The following ASCC3 variants were observed in gnomAD, a reference collection of about 807,000 sequenced individuals.
ASCC3 encodes the protein activating signal cointegrator 1 complex subunit 3, also known as ASC-1 complex subunit P200.
A neutral mutation model predicts 256.3 loss-of-function variants in ASCC3; 158 were observed. The ratio of observed to expected loss-of-function variants is 0.62; its 90% CI spans 0.54 to 0.70. ASCC3 has a LOEUF of 0.70. Among genes scored for constraint, ASCC3 ranks in the 30% least tolerant of loss-of-function variants. ASCC3 has a pLI of 0.00. For synonymous variants in ASCC3, 948 were observed against 883.4 expected (o/e 1.07, Z -1.30); for missense variants, 2,259 against 2,626.0 (o/e 0.86, Z 3.05).
intron 5 of ASCC3, among the ~76,000 whole-genome samples, 162 bp downstream of exon 5, chr6:100,805,598 C>T (rs7753623): frequency 0.05 from 7,626 of 152,070 alleles, 631 homozygotes; most frequent in African/African-American, 0.17. Context: ...AGATCACTTA[C>T]GTTTTTTCAT....
intron 30 of ASCC3, 49 bp downstream of exon 30, chr6:100,625,143 A>G: frequency 2.5e-6 from 4 of 1,601,382 alleles, no homozygotes; most frequent in Non-Finnish European, 3.4e-6. Context: ...ATTCTAATAT[A>G]ATACAACCTG....
At position 100,722,163 on chromosome 6, in the gene ASCC3, G is replaced by T. The variant is rs570609261; in HGVS notation, c.1902+3376C>A. On this transcript the variant is annotated intron_variant, in intron 11 of 41. Transcript: ENST00000369162. ...GTTGTAGGTATGTGGCTTTATTTCT[G>T]AGTTTTCTATTCTGTTCCATTTGGT... Among the ~76,000 whole-genome samples, 3 of 151,788 alleles carry T rather than the reference G, an allele frequency of 2.0e-5. No individual in the cohort carries two copies. In the East Asian group the frequency reaches 5.8e-4, roughly 29 times the overall value.
chr6:100,533,192 T>A lies in ASCC3; in HGVS notation c.5775+6971A>T, dbSNP rs189787923. Among the ~76,000 whole-genome samples, 162 of 152,270 alleles carry A rather than the reference T, an allele frequency of 1.1e-3. 1 individual carries two copies. Among genetic ancestry groups the A allele is most frequent in the African/African-American group, 2.8e-3 (117 of 41,572 alleles). ...GTGGCCTAGTGCCTTGGATTTTATA[T>A]ATTTTTCTTTTTAAATGCAAAACCT... On this transcript the variant is annotated intron_variant, in intron 37 of 41. Coordinates refer to ENST00000369162, the MANE Select transcript of ASCC3 (RefSeq NM_006828.4).
chr6:100,747,352 A>G (rs1321719995), intron 10 of ASCC3, among the ~76,000 whole-genome samples: 2 of 152,082 alleles, frequency 1.3e-5, no homozygotes, highest in African/African-American at 2.4e-5. Flanking sequence ...TTTCTCAAAA[A>G]AACATCTACT....
chr6:100,559,949 A>C (rs550452289), intron 36 of ASCC3, among the ~76,000 whole-genome samples: 1 of 152,332 alleles, frequency 6.6e-6, no homozygotes, highest in African/African-American at 2.4e-5. Flanking sequence ...ATATTGATAG[A>C]TCATATAATA....
At chr6:100,710,804 T>C (rs1047428190) in intron 13 of ASCC3, among the ~76,000 whole-genome samples, 4 of 152,138 alleles carry the variant, frequency 2.6e-5, no homozygotes, top group African/African-American at 9.7e-5. Flanking sequence ...TAAATAAATA[T>C]TTTAAAATGT....
At chr6:100,597,887 T>C (rs143981418) in intron 34 of ASCC3, among the ~76,000 whole-genome samples, 4,286 of 138,380 alleles carry the variant, frequency 0.031, 67 homozygotes, top group African/African-American at 0.058. Context: ...GGCAGGAGAA[T>C]GGCGTGAACT....
In ASCC3 at chr6:100,509,129, G is replaced by T; in HGVS notation, c.*257C>A. ...CATCCCAAATATACACAAATTAAAA[G>T]ATTATTCTAAATGCTTTTTCATCTT... On this transcript the variant is annotated 3_prime_UTR_variant, in exon 42 of 42. Transcript: ENST00000369162. 2.1e-6 allele frequency: 1 copy of T among 472,688 alleles called. No homozygotes were observed. The highest frequency in any genetic ancestry group is 2.0e-5 in the African/African-American group (1 of 50,928). The allele number at this position is 472,688 out of a possible 1,614,324, so 29.3% of individuals were successfully genotyped here.
chr6:100,701,234 A>T (rs1024250312), intron 13 of ASCC3, among the ~76,000 whole-genome samples: 4 of 152,186 alleles, frequency 2.6e-5, no homozygotes, highest in African/African-American at 9.7e-5. Context: ...ATATAAAACA[A>T]CTAACTTTAC....
chr6:100,567,698 C>G (rs1181872211), intron 36 of ASCC3, among the ~76,000 whole-genome samples: 4 of 152,136 alleles, frequency 2.6e-5, no homozygotes, highest in African/African-American at 9.7e-5. Flanking sequence ...TAGGATAATA[C>G]TGCATCCATG....
intron 10 of ASCC3, among the ~76,000 whole-genome samples, chr6:100,744,169 T>C (rs1780562105): frequency 6.6e-6 from 1 of 152,210 alleles, no homozygotes; most frequent in Admixed American, 6.5e-5. Context: ...GATAAAAATC[T>C]ACACCGTGTA....
chr6:100,686,137 CTT>C (rs1554214383), intron 13 of ASCC3, among the ~76,000 whole-genome samples: 3 of 152,082 alleles, frequency 2.0e-5, no homozygotes, highest in Non-Finnish European at 2.9e-5. Context: ...TAATTTTTGT[CTT>C]TTATGTATAC....
intron 3 of ASCC3, among the ~76,000 whole-genome samples, chr6:100,850,535 C>G (rs370504601): frequency 3.7e-4 from 57 of 152,282 alleles, no homozygotes; most frequent in East Asian, 2.9e-3. Flanking sequence ...ACCCAGGCCT[C>G]ACTGACACCA....
chr6:100,632,685 A>G (rs116911225), intron 25 of ASCC3, among the ~76,000 whole-genome samples: 2,015 of 152,296 alleles, frequency 0.013, 15 homozygotes, highest in Non-Finnish European at 0.021. Context: ...AACAAGGTCA[A>G]CTAATCTTCA....
Position 100,662,071 on chromosome 6 carries a change from A to C in ASCC3, c.2479-41T>G. ...TTAACAAAAATTTACATAAACACACACAAATATAATCCTGATGAACTGAAT... is the reference window on the plus strand; with the variant it reads ...TTAACAAAAATTTACATAAACACACCCAAATATAATCCTGATGAACTGAAT... On this transcript the variant is annotated intron_variant, in intron 15 of 41. Coordinates refer to ENST00000369162, the MANE Select transcript of ASCC3 (RefSeq NM_006828.4). The C allele has an allele frequency of 1.9e-6, 3 of 1,554,476 alleles. No homozygotes were observed. In the South Asian group the frequency reaches 3.3e-5, roughly 17 times the overall value.
chr6:100,830,075 CTTG>C (rs1011642863), intron 4 of ASCC3, among the ~76,000 whole-genome samples: 10 of 151,962 alleles, frequency 6.6e-5, no homozygotes, highest in African/African-American at 2.2e-4. Flanking sequence ...ATTTAAAAAC[CTTG>C]TTGTTTATTT....
At chr6:100,686,337 T>C (rs1181980749) in intron 13 of ASCC3, among the ~76,000 whole-genome samples, 4 of 152,202 alleles carry the variant, frequency 2.6e-5, no homozygotes, top group African/African-American at 9.7e-5. Flanking sequence ...TTAGAAAGTA[T>C]AAAAATGTGC....
chr6:100,576,501 T>C (rs1770868800), intron 36 of ASCC3, among the ~76,000 whole-genome samples: 1 of 151,764 alleles, frequency 6.6e-6, no homozygotes, highest in South Asian at 2.1e-4. Context: ...GAAAAGGAAA[T>C]AGGGTATAAA....
chr6:100,650,516 T>C, intron 20 of ASCC3, 22 bp downstream of exon 20: 1 of 1,610,444 alleles, frequency 6.2e-7, no homozygotes, highest in Non-Finnish European at 8.5e-7. Context: ...AAGAGAAAAC[T>C]GGAAGGGAAT....
Sources: gnomAD v4.1 joint callset for allele counts (sites outside exome capture counted in the v4.1 genomes callset) on GRCh38, gnomAD v4.1.1 for gene constraint, MANE v1.5 for transcripts, NCBI Gene and HGNC (gene_info 2026-07-23, HGNC 2026-07-21) for gene names.